DACH2: variants seen among roughly 807,000 people sequenced by gnomAD.
The protein encoded by DACH2 is dachshund homolog 2.
In DACH2, 17 loss-of-function variants were observed where a neutral mutation model predicts 35.8. The observed-to-expected ratio is 0.48, with a 90% confidence interval of 0.33 to 0.71. The LOEUF is 0.71. DACH2 is among the 30% of genes least tolerant of loss of function. The pLI is 0.02. For synonymous variants in DACH2, 195 were observed against 177.3 expected, an observed-to-expected ratio of 1.10 and a Z score of -0.79; for missense variants, 469 against 472.7, an observed-to-expected ratio of 0.99 and a Z score of 0.07.
intron 1 of DACH2, among the ~76,000 whole-genome samples, chrX:86,174,033 A>C (rs1247043620): frequency 9.0e-6 from 1 of 110,542 alleles, no homozygotes; most frequent in Non-Finnish European, 1.9e-5. Flanking sequence ...TGGCATATAC[A>C]ACTGGGAGGC....
rs140769248 is a variant in DACH2 at position 86,779,714 on chromosome X, G to A, written c.1241-33142G>A. Among the ~76,000 whole-genome samples the A allele has an allele frequency of 5.1e-3, 568 of 111,535 alleles. 5 individuals are homozygous for A. Among genetic ancestry groups the A allele is most frequent in the African/African-American group, 0.017 (519 of 30,689 alleles). On this transcript the variant is annotated intron_variant, in intron 7 of 11. Coordinates refer to ENST00000373125, the MANE Select transcript of DACH2 (RefSeq NM_053281.3). ...AAGTGGTGAAAAGTGGCCTGATTCT[G>A]GATATATTTTGAATGTAGAGACAAA...
At chrX:86,675,643 C>A (rs186436954) in intron 4 of DACH2, among the ~76,000 whole-genome samples, 6,721 of 111,239 alleles carry the variant, frequency 0.06, 488 homozygotes, top group African/African-American at 0.21. Flanking sequence ...GGTGATTGTG[C>A]CACTGCACTC....
At chrX:86,215,093 T>G (rs1466772936) in intron 1 of DACH2, among the ~76,000 whole-genome samples, 1 of 110,516 alleles carries the variant, frequency 9.0e-6, no homozygotes, top group Non-Finnish European at 1.9e-5. Context: ...TCACATTAAC[T>G]TTTTTTTTCT....
rs533120826 is a variant in DACH2, at chrX:86,368,760, C to T, written c.489-8064C>T. ...AAAAAATTCTGCAGAGAAGGGGTTG[C>T]GCTAGTTGCCAAGGCTGGTCATGAA... On this transcript the variant is annotated intron_variant, in intron 1 of 11. Coordinates refer to ENST00000373125, the MANE Select transcript of DACH2 (RefSeq NM_053281.3). Among the ~76,000 whole-genome samples the T allele has an allele frequency of 3.1e-4, 34 of 109,661 alleles. No individual in the cohort carries two copies. In the South Asian group the frequency reaches 0.013, roughly 41 times the overall value.
At chrX:86,429,608 T>G (rs1297405740) in intron 2 of DACH2, among the ~76,000 whole-genome samples, 2 of 109,794 alleles carry the variant, frequency 1.8e-5, no homozygotes, top group African/African-American at 6.7e-5. Context: ...TCACCCAGGC[T>G]GGAGTGCAGT....
chrX:86,565,577 C>T (rs2039283435), intron 3 of DACH2, among the ~76,000 whole-genome samples: 1 of 111,431 alleles, frequency 9.0e-6, no homozygotes. Context: ...TATACAGTGG[C>T]TTATTCTCTT....
At chrX:86,186,174 A>G (rs781637979) in intron 1 of DACH2, among the ~76,000 whole-genome samples, 1 of 112,711 alleles carries the variant, frequency 8.9e-6, no homozygotes, top group Non-Finnish European at 1.9e-5. Context: ...TTAAGCCATC[A>G]TTGGATTGGG....
At chrX:86,370,825 A>G (rs113867230) in intron 1 of DACH2, among the ~76,000 whole-genome samples, 20 of 111,636 alleles carry the variant, frequency 1.8e-4, no homozygotes, top group Non-Finnish European at 3.8e-4. Flanking sequence ...CATTGAAAAT[A>G]TTAGTTGGTA....
intron 1 of DACH2, among the ~76,000 whole-genome samples, chrX:86,335,419 T>G (rs2035289319): frequency 8.9e-6 from 1 of 112,044 alleles, no homozygotes; most frequent in Admixed American, 9.5e-5. Flanking sequence ...GTGTCCTTTC[T>G]TATTTCCTTG....
At chrX:86,533,798 C>G (rs1024823708) in intron 3 of DACH2, among the ~76,000 whole-genome samples, 6 of 111,353 alleles carry the variant, frequency 5.4e-5, no homozygotes, top group African/African-American at 2.0e-4. Context: ...TTCTTTGGTG[C>G]CATTACTTCT....
At chrX:86,639,163 C>A (rs1051436592) in intron 3 of DACH2, among the ~76,000 whole-genome samples, 4 of 111,584 alleles carry the variant, frequency 3.6e-5, no homozygotes, top group African/African-American at 1.3e-4. Flanking sequence ...ACTGTAACAT[C>A]CAGGTACTCA....
At chrX:86,584,898 A>G (rs941047562) in intron 3 of DACH2, among the ~76,000 whole-genome samples, 3 of 111,127 alleles carry the variant, frequency 2.7e-5, no homozygotes, top group African/African-American at 9.8e-5. Flanking sequence ...ATATGAGAAC[A>G]TGCAATATTT....
rs187144684 is a variant in DACH2, at chrX:86,540,766, A to G, written c.640+26375A>G. ...TGTAATTTTTAGTGCTATGATTGCC[A>G]TAATTTGTTGCTACTCAGACAGGCT... On this transcript the variant is annotated intron_variant, in intron 3 of 11. Transcript: ENST00000373125. Among the ~76,000 whole-genome samples, 188 of 111,967 alleles carry G rather than the reference A, an allele frequency of 1.7e-3. 1 individual carries two copies. Among genetic ancestry groups the G allele is most frequent in the African/African-American group, 5.7e-3 (175 of 30,902 alleles).
At chrX:86,457,833 C>T in intron 2 of DACH2, among the ~76,000 whole-genome samples, 1 of 111,752 alleles carries the variant, frequency 8.9e-6, no homozygotes, top group African/African-American at 3.2e-5. Flanking sequence ...GTAGAGGGAA[C>T]AGCCAGTACA....
intron 7 of DACH2, among the ~76,000 whole-genome samples, chrX:86,788,377 G>C (rs2042158363): frequency 1.8e-5 from 2 of 110,709 alleles, no homozygotes; most frequent in Non-Finnish European, 3.8e-5. Flanking sequence ...ACAACCACCT[G>C]ACCACCACTT....
intron 3 of DACH2, among the ~76,000 whole-genome samples, chrX:86,599,641 T>G (rs1339087427): frequency 9.1e-6 from 1 of 109,370 alleles, no homozygotes; most frequent in Non-Finnish European, 1.9e-5. Flanking sequence ...GGACTACAGG[T>G]GCACACCACC....
At chrX:86,185,544 C>A (rs1179248302) in intron 1 of DACH2, among the ~76,000 whole-genome samples, 1 of 111,239 alleles carries the variant, frequency 9.0e-6, no homozygotes, top group African/African-American at 3.3e-5. Context: ...ACATGCTTTA[C>A]CTTCTGGCCT....
intron 10 of DACH2, among the ~76,000 whole-genome samples, chrX:86,815,354 T>C (rs1417210591): frequency 9.0e-6 from 1 of 110,716 alleles, no homozygotes; most frequent in Non-Finnish European, 1.9e-5. Context: ...CTTTTCTGCT[T>C]CCATTTTTAA....
intron 6 of DACH2, among the ~76,000 whole-genome samples, chrX:86,735,255 G>T (rs1380120335): frequency 1.8e-5 from 2 of 111,537 alleles, no homozygotes; most frequent in South Asian, 3.7e-4. Context: ...ATATTTCCAA[G>T]AATGTAAAAT....
Sources: gnomAD v4.1 joint callset for allele counts (sites outside exome capture counted in the v4.1 genomes callset) on GRCh38, gnomAD v4.1.1 for gene constraint, MANE v1.5 for transcripts, NCBI Gene and HGNC (gene_info 2026-07-23, HGNC 2026-07-21) for gene names.